SLA: variants seen among roughly 807,000 people sequenced by gnomAD.
The protein encoded by SLA is src-like-adapter.
Under a neutral mutation model 30.3 loss-of-function variants are expected in SLA, and 16 were observed. That is an observed-to-expected ratio of 0.53 (90% CI 0.36 to 0.80). SLA has a LOEUF of 0.80. Among genes scored for constraint, SLA ranks in the 30% least tolerant of loss-of-function variants. The pLI is 0.01. For synonymous variants in SLA, 143 were observed against 137.8 expected (o/e 1.04, Z -0.26); for missense variants, 310 against 345.2 (o/e 0.90, Z 0.81).
intron 1 of SLA, chr8:133,087,780 G>A (rs1313569996): frequency 2.6e-5 from 4 of 152,184 alleles, no homozygotes; most frequent in African/African-American, 9.7e-5. Flanking sequence ...ACCCAGTGGG[G>A]CCAGGCAGCA....
At chr8:133,048,275 C>T (rs1839833844) in intron 5 of SLA, among the ~76,000 whole-genome samples, 1 of 152,066 alleles carries the variant, frequency 6.6e-6, no homozygotes, top group Admixed American at 6.6e-5. Flanking sequence ...GACTAGAGAA[C>T]AGTGGCGTGA....
intron 2 of SLA, among the ~76,000 whole-genome samples, chr8:133,067,797 A>G (rs1564145128): frequency 6.8e-5 from 10 of 147,418 alleles, no homozygotes; most frequent in Admixed American, 6.1e-4. Context: ...AAAGAAAAAG[A>G]AAGAAAGAAA....
At chr8:133,051,141 C>A (rs1327876817) in intron 3 of SLA, among the ~76,000 whole-genome samples, 1 of 152,178 alleles carries the variant, frequency 6.6e-6, no homozygotes, top group Non-Finnish European at 1.5e-5. Context: ...CTTAAGCCTG[C>A]CTTGGCCCTC....
intron 6 of SLA, among the ~76,000 whole-genome samples, chr8:133,045,387 CTTTTTTTTTTTTTT>C (rs5895172): frequency 7.6e-5 from 5 of 65,868 alleles, no homozygotes; most frequent in African/African-American, 2.0e-4. Context: ...ATCCTCTTTG[CTTTTTTTTTTTTTT>C]TTTTTTTTTT....
chr8:133,096,453 G>C (rs772841476), intron 1 of SLA: 344 of 1,556,458 alleles, frequency 2.2e-4, no homozygotes, highest in Non-Finnish European at 2.9e-4. Flanking sequence ...ACTTGATCAA[G>C]AGATATTGAC....
At chr8:133,073,403 T>C (rs1302198666) in intron 2 of SLA, among the ~76,000 whole-genome samples, 1 of 152,224 alleles carries the variant, frequency 6.6e-6, no homozygotes, top group Non-Finnish European at 1.5e-5. Context: ...TTGCCCAGGC[T>C]GGAGTGCAGT....
At position 133,067,827 on chromosome 8, in the gene SLA, G is replaced by C. The variant is rs143964817; in HGVS notation, c.-41+7026C>G. Among the ~76,000 whole-genome samples the C allele has an allele frequency of 2.7e-5, 4 of 146,824 alleles. No homozygotes were observed. In the East Asian group the frequency reaches 8.0e-4, roughly 29 times the overall value. On this transcript the variant is annotated intron_variant, in intron 2 of 8. Transcript: ENST00000338087. ...AAGAAAGAAAGGAAGGAAGGAAGGG[G>C]GAGAGAGAGAGAGACAGAGAGAGAG...
chr8:133,050,349 A>C (rs1840167596), intron 4 of SLA: 1 of 296,402 alleles, frequency 3.4e-6, no homozygotes, highest in South Asian at 4.7e-5. Context: ...TATCTGAATC[A>C]GTGAAGATCT....
chr8:133,045,416 T>C (rs1248903041), intron 6 of SLA, among the ~76,000 whole-genome samples: 1 of 132,826 alleles, frequency 7.5e-6, no homozygotes, highest in Non-Finnish European at 1.6e-5. Context: ...TTTTTTTGAG[T>C]CTGGGTCTTG....
chr8:133,063,091 T>C (rs1842608443), intron 2 of SLA, among the ~76,000 whole-genome samples: 1 of 152,240 alleles, frequency 6.6e-6, no homozygotes, highest in Non-Finnish European at 1.5e-5. Flanking sequence ...TGAAACCACA[T>C]GTGTGCTGGC....
chr8:133,045,085 T>A lies in SLA; in HGVS notation c.383A>T (p.Gln128Leu). 7 of 1,614,220 alleles carry A rather than the reference T, an allele frequency of 4.3e-6. No individual in the cohort carries two copies. The highest frequency in any genetic ancestry group is 5.9e-6 in the Non-Finnish European group (7 of 1,180,018). ...GFYSLSVRHR[Q>L]VKHYRIFRLP... is the part of the protein sequence containing the mutation. ...ACGGAAAATGCGGTAATGCTTTACC[T>A]GCCTGTGTCTCACCGACAGTGAGTA... is the stretch of plus-strand genomic sequence containing the variant. The change falls in exon 7 of 9, where the codon CAG (glutamine) becomes CTG (leucine). Residue 128 changes from glutamine to leucine, a missense_variant. Physicochemically the swap from Gln to Leu is moderately radical, Grantham distance 113 (BLOSUM62 -2). Coordinates refer to ENST00000338087, the MANE Select transcript of SLA (RefSeq NM_001045556.3).
chr8:133,087,125 G>C (rs1846717790), intron 1 of SLA, among the ~76,000 whole-genome samples: 1 of 137,658 alleles, frequency 7.3e-6, no homozygotes, highest in Non-Finnish European at 1.6e-5. Flanking sequence ...CACACACACG[G>C]AAGAGACATA....
chr8:133,100,345 C>T (rs1446450759), intron 1 of SLA, among the ~76,000 whole-genome samples: 6 of 152,214 alleles, frequency 3.9e-5, no homozygotes, highest in Non-Finnish European at 8.8e-5. Flanking sequence ...GCACTCAAAC[C>T]TCCTGCCATA....
At position 133,036,939 on chromosome 8, in the gene SLA, G is replaced by A. The variant is rs571156257; in HGVS notation, c.*1585C>T. ...CTTATGCGGGAAGTCAATGTCCACA[G>A]TGTTACATTCATTTCTCATACGTTG... On this transcript the variant is annotated 3_prime_UTR_variant, in exon 9 of 9. Transcript: ENST00000338087. The A allele has an allele frequency of 6.6e-6, 1 of 152,492 alleles. No individual in the cohort carries two copies. Among genetic ancestry groups the A allele is most frequent in the South Asian group, 2.1e-4 (1 of 4,832 alleles). 9.4% of individuals were successfully genotyped at this position (152,492 alleles called of 1,614,324 possible).
At chr8:133,054,698 C>G (rs1441528420) in intron 3 of SLA, among the ~76,000 whole-genome samples, 1 of 152,128 alleles carries the variant, frequency 6.6e-6, no homozygotes, top group Admixed American at 6.5e-5. Context: ...TTGGTGAGAA[C>G]AGAAGATGAA....
At chr8:133,073,730 A>G (rs1844432637) in intron 2 of SLA, among the ~76,000 whole-genome samples, 1 of 152,088 alleles carries the variant, frequency 6.6e-6, no homozygotes, top group Non-Finnish European at 1.5e-5. Context: ...CAAGGGCACC[A>G]CTTTAAACAC....
chr8:133,095,192 A>G lies in SLA; in HGVS notation c.-319+7361T>C, dbSNP rs374246286. 26 of 1,614,126 alleles carry G rather than the reference A, an allele frequency of 1.6e-5. No individual in the cohort carries two copies. In the South Asian group the frequency reaches 1.6e-4, roughly 10 times the overall value. The stretch of plus-strand genomic sequence containing the variant: ...CGCCAGAAGCCTGCCAATGTCCTCA[A>G]TGATGCCCAGACCAAGGTGAGCACT... On this transcript the variant is annotated intron_variant, in intron 1 of 8. Transcript: ENST00000338087.
chr8:133,043,150 G>T (rs1490713723), intron 7 of SLA, among the ~76,000 whole-genome samples: 2 of 152,116 alleles, frequency 1.3e-5, no homozygotes, highest in African/African-American at 4.8e-5. Context: ...GTGGTTCGAT[G>T]ACCAGGAACA....
At chr8:133,044,180 C>T (rs900566867) in intron 7 of SLA, among the ~76,000 whole-genome samples, 1 of 152,166 alleles carries the variant, frequency 6.6e-6, no homozygotes, top group African/African-American at 2.4e-5. Flanking sequence ...GGAAATGTAG[C>T]ATTTAGCCAA....
Sources: gnomAD v4.1 joint callset for allele counts (sites outside exome capture counted in the v4.1 genomes callset) on GRCh38, gnomAD v4.1.1 for gene constraint, MANE v1.5 for transcripts, NCBI Gene and HGNC (gene_info 2026-07-23, HGNC 2026-07-21) for gene names.